The following NECTIN4 variants were observed in gnomAD, a reference collection of about 807,000 sequenced individuals.
The protein encoded by NECTIN4 is nectin-4.
Under a neutral mutation model 51.7 loss-of-function variants are expected in NECTIN4, and 19 were observed. That is an observed-to-expected ratio of 0.37 (90% CI 0.26 to 0.54). NECTIN4 has a LOEUF of 0.54. Ranked by LOEUF, NECTIN4 falls within the 20% of genes least tolerant of loss-of-function variation. The pLI, the probability that NECTIN4 is intolerant of heterozygous loss-of-function variation, is 0.86. For missense variants in NECTIN4, 619 were observed against 662.4 expected (o/e 0.93, Z 0.72); for synonymous variants, 283 against 286.9 (o/e 0.99, Z 0.14).
At position 161,072,142 on chromosome 1, in the gene NECTIN4, GC is replaced by G; in HGVS notation, c.*518del. On this transcript the variant is annotated 3_prime_UTR_variant, in exon 9 of 9. Transcript: ENST00000368012. ...GGAGGCAGATTCCAGCTCCAGCTAT[GC>G]CCGCACACCTGGGTCTGAGCCACAG... 4.9e-6 allele frequency: 1 copy of G among 205,372 alleles called. No individual in the cohort carries two copies. The allele number at this position is 205,372 out of a possible 1,614,324, so 12.7% of individuals were successfully genotyped here.
chr1:161,079,527 C>G, intron 2 of NECTIN4, 63 bp downstream of exon 2: 1 of 1,587,720 alleles, frequency 6.3e-7, no homozygotes. Context: ...TCTCTGCAGT[C>G]CCCATCTCTG....
In NECTIN4 at chr1:161,089,101, G is replaced by T; in HGVS notation, c.79+117C>A. Reference sequence around the variant, plus strand: ...CAGGAGAGACTGGATCCTCAGTTCAGAGTCAAAGAAAGGAGGATATGTGTG... The same window carrying T: ...CAGGAGAGACTGGATCCTCAGTTCATAGTCAAAGAAAGGAGGATATGTGTG... On this transcript the variant is annotated intron_variant, in intron 1 of 8. Coordinates refer to ENST00000368012, the MANE Select transcript of NECTIN4 (RefSeq NM_030916.3). This position sits in a 1 kb window ranked among gnomAD's most constrained non-coding sequence, Gnocchi z 4.1. 1 of 957,914 alleles carries T rather than the reference G, an allele frequency of 1.0e-6. No individual in the cohort carries two copies. Among genetic ancestry groups the T allele is most frequent in the East Asian group, 2.4e-5 (1 of 41,570 alleles). The allele number at this position is 957,914 out of a possible 1,614,324, so 59.3% of individuals were successfully genotyped here.
chr1:161,077,349 C>T, intron 3 of NECTIN4, 104 bp downstream of exon 3: 1 of 1,267,678 alleles, frequency 7.9e-7, no homozygotes, highest in Non-Finnish European at 1.2e-6. Flanking sequence ...ATATAGCCTC[C>T]AGGACCCAGG....
chr1:161,072,996 G>A (rs968700064), intron 8 of NECTIN4, 111 bp from the exon 9 acceptor site: 4 of 1,132,188 alleles, frequency 3.5e-6, no homozygotes, highest in East Asian at 5.1e-5. Context: ...CAGGGGTAAC[G>A]GTTGCCTCAG....
At position 161,079,632 on chromosome 1, in the gene NECTIN4, G is replaced by C; in HGVS notation, c.397C>G (p.Pro133Ala). 6.2e-7 allele frequency: 1 copy of C among 1,605,450 alleles called. No individual in the cohort carries two copies. Among genetic ancestry groups the C allele is most frequent in the Non-Finnish European group, 8.5e-7 (1 of 1,179,712 alleles). Reference sequence around the variant, plus strand: ...AGCCGCGCCTGGAAGCTGCCGGCGGGGAAGGTGCTGACCCGGCACTCGTAC... The same window carrying C: ...AGCCGCGCCTGGAAGCTGCCGGCGGCGAAGGTGCTGACCCGGCACTCGTAC... Reference protein sequence around the residue: ...GEYECRVSTFPAGSFQARLRL... With the variant: ...GEYECRVSTFAAGSFQARLRL... Residue 133 changes from proline to alanine, a missense_variant, in exon 2 of 9, where the codon CCC becomes GCC. Coordinates refer to ENST00000368012, the MANE Select transcript of NECTIN4 (RefSeq NM_030916.3).
Position 161,072,274 on chromosome 1 carries a change from G to A in NECTIN4, c.*387C>T, listed in dbSNP as rs1489565874. The A allele has an allele frequency of 2.8e-5, 10 of 362,986 alleles. No homozygotes were observed. In the East Asian group the frequency reaches 3.5e-4, roughly 13 times the overall value. 22.5% of individuals were successfully genotyped at this position (362,986 alleles called of 1,614,324 possible). A position where few individuals can be genotyped will look rare whatever the true frequency, so the allele number is the denominator to read the frequency against. Reference sequence around the variant, plus strand: ...TCACACACAGCCACATGACACACACGCCAAACCCTGACAGTGTTGCCCACG... The same window carrying A: ...TCACACACAGCCACATGACACACACACCAAACCCTGACAGTGTTGCCCACG... On this transcript the variant is annotated 3_prime_UTR_variant, in exon 9 of 9. Transcript: ENST00000368012.
At chr1:161,077,775 C>G in intron 2 of NECTIN4, 32 bp from the exon 3 acceptor site, 1 of 1,581,912 alleles carries the variant, frequency 6.3e-7, no homozygotes, top group Non-Finnish European at 8.6e-7. Flanking sequence ...GGTCACAGGT[C>G]TACACAATCC....
intron 2 of NECTIN4, among the ~76,000 whole-genome samples, chr1:161,078,872 C>A (rs1048059064): frequency 6.6e-6 from 1 of 151,884 alleles, no homozygotes; most frequent in African/African-American, 2.4e-5. Context: ...ATTAACTGGG[C>A]GTGGTGGTGG....
intron 1 of NECTIN4, chr1:161,084,372 A>G (rs1196038567): frequency 2.0e-5 from 3 of 152,194 alleles, no homozygotes; most frequent in African/African-American, 7.3e-5. Flanking sequence ...CACATAGTAA[A>G]TATTTTGCTG....
intron 3 of NECTIN4, 148 bp downstream of exon 3, chr1:161,077,305 T>C (rs1245688824): frequency 3.5e-6 from 3 of 860,218 alleles, no homozygotes; most frequent in Non-Finnish European, 5.9e-6. Flanking sequence ...CTCCAGGTCT[T>C]CCACATTTGG....
In NECTIN4 at chr1:161,074,627, G is replaced by A; in HGVS notation, c.984C>T (p.Val328=). 1 of 1,614,244 alleles carries A rather than the reference G, an allele frequency of 6.2e-7. No individual in the cohort carries two copies. Among genetic ancestry groups the A allele is most frequent in the Non-Finnish European group, 8.5e-7 (1 of 1,180,044 alleles). ...AGTGCTTACCAAGAACATCCACAGT[G>A]ACCTGAGAATCCCTTGAGGAGAACT... ...SNEFSSRDSQ[V]TVDVLDPQED... is the part of the protein sequence containing the mutation. The change falls in exon 5 of 9, where the codon GTC becomes GTT. Residue 328 remains valine, a synonymous_variant. Transcript: ENST00000368012.
chr1:161,086,257 G>A (rs1436233400), intron 1 of NECTIN4, among the ~76,000 whole-genome samples: 1 of 152,136 alleles, frequency 6.6e-6, no homozygotes, highest in Non-Finnish European at 1.5e-5. Context: ...CCTCATCTCT[G>A]TAGCTAGGCT....
Position 161,073,724 on chromosome 1 carries a change from C to A in NECTIN4, c.1229G>T (p.Ser410Ile). The change falls in exon 7 of 9, where the codon AGC (serine) becomes ATC (isoleucine). Residue 410 changes from serine (S) to isoleucine (I), a missense_variant. Coordinates refer to ENST00000368012, the MANE Select transcript of NECTIN4 (RefSeq NM_030916.3). ...ACACCCAACCTTGGCACACACCTGG[C>A]TCCTGGGGTCCGTGTGATGGGAATG... The part of the protein sequence containing the change: ...RLHSHHTDPR[S>I]QPEESVGLRA... The A allele has an allele frequency of 6.2e-7, 1 of 1,614,076 alleles. No homozygotes were observed. The highest frequency in any genetic ancestry group is 8.5e-7 in the Non-Finnish European group (1 of 1,179,928).
chr1:161,076,946 T>C (rs1341884942), intron 3 of NECTIN4, among the ~76,000 whole-genome samples: 2 of 152,222 alleles, frequency 1.3e-5, no homozygotes, highest in African/African-American at 2.4e-5. Context: ...GGGAAAACAA[T>C]ATCTACCATT....
At chr1:161,080,092 T>G (rs1239415649) in intron 1 of NECTIN4, 143 bp from the exon 2 acceptor site, 1 of 1,015,282 alleles carries the variant, frequency 9.8e-7, no homozygotes, top group African/African-American at 1.6e-5. Flanking sequence ...ATTACCTTAT[T>G]AAATCTACAA....
At position 161,089,154 on chromosome 1, in the gene NECTIN4, G is replaced by C; in HGVS notation, c.79+64C>G. On this transcript the variant is annotated intron_variant, in intron 1 of 8. Transcript: ENST00000368012. The surrounding 1 kb of genome is among the most constrained non-coding windows in gnomAD (Gnocchi z 4.1). ...CGTGCGTGTGTGTCTATGTGTTTGT[G>C]CATGTGTGTCAGTGCCAGGTTGGGC... 7.2e-7 allele frequency: 1 copy of C among 1,395,394 alleles called. No individual in the cohort carries two copies. The highest frequency in any genetic ancestry group is 1.0e-6 in the Non-Finnish European group (1 of 982,660). 86.4% of individuals were successfully genotyped at this position (1,395,394 alleles called of 1,614,324 possible).
rs1431470327 is a variant in NECTIN4, at chr1:161,072,256, C to G, written c.*405G>C. 3 of 350,012 alleles carry G rather than the reference C, an allele frequency of 8.6e-6. No individual in the cohort carries two copies. The highest frequency in any genetic ancestry group is 1.7e-5 in the Non-Finnish European group (3 of 179,858). The allele number at this position is 350,012 out of a possible 1,614,324, so 21.7% of individuals were successfully genotyped here. ...TGCTTTTTCAGGCAGAGGTCACACA[C>G]AGCCACATGACACACACGCCAAACC... On this transcript the variant is annotated 3_prime_UTR_variant, in exon 9 of 9. Coordinates refer to ENST00000368012, the MANE Select transcript of NECTIN4 (RefSeq NM_030916.3).
At chr1:161,076,101 C>A (rs139257574) in intron 4 of NECTIN4, among the ~76,000 whole-genome samples, 1 of 152,062 alleles carries the variant, frequency 6.6e-6, no homozygotes, top group Non-Finnish European at 1.5e-5. Context: ...AAATAAAAGA[C>A]AAAAAATTTA....
rs567519634 is a variant in NECTIN4 at position 161,071,151 on chromosome 1, T to C, written c.*1510A>G. 1 of 152,130 alleles carries C rather than the reference T, an allele frequency of 6.6e-6. No homozygotes were observed. The highest frequency in any genetic ancestry group is 1.5e-5 in the Non-Finnish European group (1 of 68,014). The allele number at this position is 152,130 out of a possible 1,614,324, so 9.4% of individuals were successfully genotyped here. Reference sequence around the variant, plus strand: ...GAACGAAGGATGGGAGCCTCTCCCTTAGGCCAGAAATCCAGCAGATTTCAG... The same window carrying C: ...GAACGAAGGATGGGAGCCTCTCCCTCAGGCCAGAAATCCAGCAGATTTCAG... On this transcript the variant is annotated 3_prime_UTR_variant, in exon 9 of 9. Transcript: ENST00000368012.
Sources: gnomAD v4.1 joint callset for allele counts (sites outside exome capture counted in the v4.1 genomes callset) on GRCh38, gnomAD v4.1.1 for gene constraint, Gnocchi (gnomAD v3.1) non-coding constraint, MANE v1.5 for transcripts, NCBI Gene and HGNC (gene_info 2026-07-23, HGNC 2026-07-21) for gene names.